Variants in PCMTD2 observed in about 807,000 individuals in gnomAD.
PCMTD2 encodes the protein protein-L-isoaspartate (D-aspartate) O-methyltransferase domain containing 2.
A neutral mutation model predicts 33.4 loss-of-function variants in PCMTD2; 16 were observed. The observed-to-expected ratio is 0.48, with a 90% CI of 0.32 to 0.73. PCMTD2 has a LOEUF of 0.73. Ranked by LOEUF, PCMTD2 falls within the 30% of genes least tolerant of loss-of-function variation. The probability of loss-of-function intolerance (pLI) is 0.03; values close to 1 mark genes in which losing one functional copy is unlikely to be tolerated. For missense variants in PCMTD2, 374 were observed against 449.9 expected (o/e 0.83, Z 1.53); for synonymous variants, 161 against 160.8 (o/e 1.00, Z -0.01).
At chr20:64,257,949 A>G (rs1331748043) in intron 1 of PCMTD2, among the ~76,000 whole-genome samples, 1 of 152,218 alleles carries the variant, frequency 6.6e-6, no homozygotes, top group East Asian at 1.9e-4. Flanking sequence ...GGTACCTGGA[A>G]AAAGGTGCTT....
chr20:64,260,195 A>T lies in PCMTD2; in HGVS notation c.230A>T (p.Asp77Val). Residue 77 changes from aspartate (D) to valine (V), a missense_variant, in exon 2 of 6, where the codon GAT becomes GTT. Transcript: ENST00000308824. Reference sequence around the variant, plus strand: ...TACTCGGAGGTGATGGAAGCCCTAGATCTGCAGCCTGGACTCTCGTTTCTG... The same window carrying T: ...TACTCGGAGGTGATGGAAGCCCTAGTTCTGCAGCCTGGACTCTCGTTTCTG... ...CIYSEVMEAL[D>V]LQPGLSFLNL... 1 of 1,613,830 alleles carries T rather than the reference A, an allele frequency of 6.2e-7. No individual in the cohort carries two copies. Among genetic ancestry groups the T allele is most frequent in the Non-Finnish European group, 8.5e-7 (1 of 1,179,718 alleles).
intron 5 of PCMTD2, 66 bp downstream of exon 5, chr20:64,268,076 GAAACA>G: frequency 7.8e-7 from 1 of 1,282,192 alleles, no homozygotes; most frequent in Non-Finnish European, 1.1e-6. Context: ...ATTTTAAAAG[GAAACA>G]AAATTTACAA....
At chr20:64,272,057 C>A in intron 5 of PCMTD2, 2 of 383,112 alleles carry the variant, frequency 5.2e-6, no homozygotes, top group South Asian at 3.8e-5. Context: ...AGTGCCGGAG[C>A]CTGTCCTGGA....
chr20:64,266,781 A>G (rs1310673166), intron 4 of PCMTD2, among the ~76,000 whole-genome samples: 1 of 152,200 alleles, frequency 6.6e-6, no homozygotes, highest in Non-Finnish European at 1.5e-5. Context: ...TCATCTCGAT[A>G]ATTTGAGGAT....
intron 1 of PCMTD2, chr20:64,256,751 A>G (rs1341232209): frequency 6.6e-6 from 1 of 152,262 alleles, no homozygotes; most frequent in African/African-American, 2.4e-5. Flanking sequence ...TCGTACCTCC[A>G]GTGGAACTTG....
chr20:64,272,351 T>G (rs550717459), intron 5 of PCMTD2: 3 of 275,884 alleles, frequency 1.1e-5, no homozygotes, highest in South Asian at 1.0e-4. Flanking sequence ...AATTTTCCCT[T>G]TGAGAAATGT....
chr20:64,264,640 G>A lies in PCMTD2; in HGVS notation c.410+109G>A, dbSNP rs1985576883. The A allele has an allele frequency of 8.8e-5, 58 of 660,370 alleles. 1 individual carries two copies. In the South Asian group the frequency reaches 1.0e-3, roughly 12 times the overall value. The allele number at this position is 660,370 out of a possible 1,614,324, so 40.9% of individuals were successfully genotyped here. A position where few individuals can be genotyped will look rare whatever the true frequency, so the allele number is the denominator to read the frequency against. On this transcript the variant is annotated intron_variant, in intron 3 of 5. Coordinates refer to ENST00000308824, the MANE Select transcript of PCMTD2 (RefSeq NM_018257.3). ...GTAGGAAACATAATTAAACTGTGGT[G>A]GGATGATTCTATGTGCCTGTTCTAA...
chr20:64,265,495 C>A, intron 4 of PCMTD2, 66 bp downstream of exon 4: 1 of 1,190,340 alleles, frequency 8.4e-7, no homozygotes, highest in Non-Finnish European at 1.2e-6. Context: ...GGGCAGTGTA[C>A]GGATACTTAC....
In PCMTD2 at chr20:64,275,506, A is replaced by G. The variant is rs911121707; in HGVS notation, c.*1906A>G. 1 of 152,170 alleles carries G rather than the reference A, an allele frequency of 6.6e-6. No homozygotes were observed. Among genetic ancestry groups the G allele is most frequent in the African/African-American group, 2.4e-5 (1 of 41,422 alleles). 9.4% of individuals were successfully genotyped at this position (152,170 alleles called of 1,614,324 possible). ...AATGCATAAGACATGTTTTTCCTTC[A>G]TATGCTAGACTTTTCCTAGCATTTC... On this transcript the variant is annotated 3_prime_UTR_variant, in exon 6 of 6. Coordinates refer to ENST00000308824, the MANE Select transcript of PCMTD2 (RefSeq NM_018257.3).
intron 2 of PCMTD2, among the ~76,000 whole-genome samples, chr20:64,260,939 C>A (rs1985388268): frequency 6.6e-6 from 1 of 152,112 alleles, no homozygotes; most frequent in African/African-American, 2.4e-5. Flanking sequence ...AGCTCTCCAC[C>A]TGCCTCAGCC....
At position 64,273,622 on chromosome 20, in the gene PCMTD2, A is replaced by G; in HGVS notation, c.*22A>G. The G allele has an allele frequency of 6.6e-7, 1 of 1,512,456 alleles. No homozygotes were observed. The highest frequency in any genetic ancestry group is 8.8e-7 in the Non-Finnish European group (1 of 1,133,722). 93.7% of individuals were successfully genotyped at this position (1,512,456 alleles called of 1,614,324 possible). On this transcript the variant is annotated 3_prime_UTR_variant, in exon 6 of 6. Transcript: ENST00000308824. ...ATAAGTCTCCTGTTTGAAAGGGGGAAATAGGAAGAGCAGATTGCTGAGTGT... is the reference window on the plus strand; with the variant it reads ...ATAAGTCTCCTGTTTGAAAGGGGGAGATAGGAAGAGCAGATTGCTGAGTGT...
Position 64,275,778 on chromosome 20 carries a change from A to G in PCMTD2, c.*2178A>G, listed in dbSNP as rs561134571. The G allele has an allele frequency of 6.6e-6, 1 of 152,286 alleles. No homozygotes were observed. Among genetic ancestry groups the G allele is most frequent in the Non-Finnish European group, 1.5e-5 (1 of 68,006 alleles). 9.4% of individuals were successfully genotyped at this position (152,286 alleles called of 1,614,324 possible). A position where few individuals can be genotyped will look rare whatever the true frequency, so the allele number is the denominator to read the frequency against. On this transcript the variant is annotated 3_prime_UTR_variant, in exon 6 of 6. Coordinates refer to ENST00000308824, the MANE Select transcript of PCMTD2 (RefSeq NM_018257.3). Reference sequence around the variant, plus strand: ...CTTGTAAACCACATTCTTGACAACTATTTGCTTTTGAGTAGTTTGTATTTT... The same window carrying G: ...CTTGTAAACCACATTCTTGACAACTGTTTGCTTTTGAGTAGTTTGTATTTT...
intron 5 of PCMTD2, chr20:64,271,871 T>G: frequency 5.3e-6 from 1 of 187,810 alleles, no homozygotes; most frequent in Non-Finnish European, 1.1e-5. Flanking sequence ...TCGGAAGGAG[T>G]TGTTTCAGCC....
rs1256443300 is a variant in PCMTD2, at chr20:64,265,264, C to T, written c.417C>T (p.Asp139=). 5 of 1,596,450 alleles carry T rather than the reference C, an allele frequency of 3.1e-6. No individual in the cohort carries two copies. Among genetic ancestry groups the T allele is most frequent in the Non-Finnish European group, 4.3e-6 (5 of 1,172,150 alleles). ...IRTSDSFDKF[D]FCEPSFVTGN... ...AAGCATTTTTTACTTCCAGGTTTGA[C>T]TTCTGTGAACCTTCCTTTGTTACTG... Residue 139 remains aspartate (D), a synonymous_variant, in exon 4 of 6, where the codon GAC becomes GAT. Transcript: ENST00000308824.
At chr20:64,264,134 G>A (rs929451927) in intron 2 of PCMTD2, among the ~76,000 whole-genome samples, 2 of 152,188 alleles carry the variant, frequency 1.3e-5, no homozygotes, top group African/African-American at 2.4e-5. Flanking sequence ...AAACAGGTGA[G>A]GCCTGTGTCA....
At position 64,273,641 on chromosome 20, in the gene PCMTD2, T is replaced by C. The variant is rs374737090; in HGVS notation, c.*41T>C. ...GGGGGAAATAGGAAGAGCAGATTGC[T>C]GAGTGTGAAGTTCGTGCTGCCTGTG... is the stretch of plus-strand genomic sequence containing the variant. On this transcript the variant is annotated 3_prime_UTR_variant, in exon 6 of 6. Coordinates refer to ENST00000308824, the MANE Select transcript of PCMTD2 (RefSeq NM_018257.3). 9.4e-5 allele frequency: 142 copies of C among 1,503,916 alleles called. No individual in the cohort carries two copies. Among genetic ancestry groups the C allele is most frequent in the Non-Finnish European group, 3.1e-5 (35 of 1,128,192 alleles). 93.2% of individuals were successfully genotyped at this position (1,503,916 alleles called of 1,614,324 possible). A position where few individuals can be genotyped will look rare whatever the true frequency, so the allele number is the denominator to read the frequency against.
chr20:64,264,303 T>C, intron 2 of PCMTD2, 126 bp from the exon 3 acceptor site: 1 of 614,012 alleles, frequency 1.6e-6, no homozygotes. Flanking sequence ...TGATGAGACT[T>C]CAAAACTTTG....
At position 64,265,434 on chromosome 20, in the gene PCMTD2, G is replaced by C. The variant is rs756202874; in HGVS notation, c.582+5G>C. ...GTCATGCCACTGGAAGAGAAGGTCA[G>C]ATTCCCTTCATAACTGACATTTCTG... On this transcript the variant is annotated splice_donor_5th_base_variant and intron_variant, in intron 4 of 5. Transcript: ENST00000308824. 3.2e-5 allele frequency: 51 copies of C among 1,605,394 alleles called. No individual in the cohort carries two copies. The highest frequency in any genetic ancestry group is 3.9e-5 in the Non-Finnish European group (46 of 1,174,508).
chr20:64,257,257 A>G (rs773703588), intron 1 of PCMTD2, among the ~76,000 whole-genome samples: 21 of 152,174 alleles, frequency 1.4e-4, no homozygotes, highest in Non-Finnish European at 2.6e-4. Context: ...CACAGCCACA[A>G]TCACAACTCA....
Sources: allele counts gnomAD v4.1 joint callset (sites outside exome capture counted in the v4.1 genomes callset), GRCh38; gene constraint gnomAD v4.1.1; transcripts MANE v1.5; gene names NCBI Gene and HGNC (gene_info 2026-07-23, HGNC 2026-07-21).